Variants in APBA1 observed in about 807,000 individuals in gnomAD.
APBA1 encodes the protein amyloid beta precursor protein binding family A member 1.
APBA1 carries 55 observed loss-of-function variants against 86.6 expected under a neutral mutation model. The ratio of observed to expected loss-of-function variants is 0.64; its 90% CI spans 0.51 to 0.80. APBA1 has a LOEUF of 0.80. APBA1 is among the 30% of genes least tolerant of loss of function. The probability of loss-of-function intolerance (pLI) is 0.00; values close to 1 mark genes in which losing one functional copy is unlikely to be tolerated. For synonymous variants in APBA1, 511 were observed against 493.9 expected (o/e 1.03, Z -0.46); for missense variants, 1,090 against 1,183.0 (o/e 0.92, Z 1.15).
chr9:69,607,714 G>T (rs949117892), intron 1 of APBA1, among the ~76,000 whole-genome samples: 1 of 152,124 alleles, frequency 6.6e-6, no homozygotes, highest in Admixed American at 6.5e-5. Context: ...AAACCAGTCC[G>T]TTTGGGCCAA....
At chr9:69,456,718 A>C (rs529259251) in intron 7 of APBA1, among the ~76,000 whole-genome samples, 15 of 148,334 alleles carry the variant, frequency 1.0e-4, no homozygotes, top group Non-Finnish European at 1.7e-4. Context: ...ACAAATCAAA[A>C]TGGCAGGGCT....
intron 1 of APBA1, among the ~76,000 whole-genome samples, chr9:69,530,618 T>C (rs1836415947): frequency 1.3e-5 from 2 of 152,202 alleles, no homozygotes; most frequent in Middle Eastern, 3.4e-3. Flanking sequence ...TCTGGTACAA[T>C]GTTCACTATT....
chr9:69,608,411 G>T (rs1335913020), intron 1 of APBA1, among the ~76,000 whole-genome samples: 1 of 152,166 alleles, frequency 6.6e-6, no homozygotes, highest in African/African-American at 2.4e-5. Flanking sequence ...AAAGGAAAGG[G>T]GGAGTAGGTG....
chr9:69,588,174 G>A (rs1822058981), intron 1 of APBA1, among the ~76,000 whole-genome samples: 1 of 152,116 alleles, frequency 6.6e-6, no homozygotes, highest in South Asian at 2.1e-4. Context: ...TGAAGCTACT[G>A]GGGAGAAAGA....
intron 1 of APBA1, among the ~76,000 whole-genome samples, chr9:69,567,931 T>C (rs988767831): frequency 7.2e-5 from 11 of 152,168 alleles, no homozygotes; most frequent in Non-Finnish European, 1.5e-4. Flanking sequence ...ATGAAAACTC[T>C]TGGGCTTGTG....
Position 69,489,644 on chromosome 9 carries a change from C to T in APBA1, c.1201-13501G>A, listed in dbSNP as rs549266688. On this transcript the variant is annotated intron_variant, in intron 2 of 12. Transcript: ENST00000265381. ...AATTTACAAGAAAAAAGCAAACAAC[C>T]CCATCAAAAAGTGGGCGAAGGACAT... 1.9e-3 allele frequency among the ~76,000 whole-genome samples: 284 copies of T among 152,044 alleles called. 2 individuals carry two copies. Among genetic ancestry groups the T allele is most frequent in the Non-Finnish European group, 3.1e-3 (214 of 67,972 alleles).
intron 5 of APBA1, chr9:69,464,826 G>A (rs990503830): frequency 3.3e-5 from 5 of 152,176 alleles, no homozygotes; most frequent in Non-Finnish European, 7.3e-5. Context: ...CACTACCTAA[G>A]TGCCATAAGG....
chr9:69,522,880 CTACAA>C (rs1205419968), intron 1 of APBA1, among the ~76,000 whole-genome samples: 1 of 151,760 alleles, frequency 6.6e-6, no homozygotes, highest in Non-Finnish European at 1.5e-5. Context: ...CTCTCTTCCT[CTACAA>C]AAAAGTTGGA....
chr9:69,555,635 T>C (rs879509961), intron 1 of APBA1, among the ~76,000 whole-genome samples: 3 of 152,210 alleles, frequency 2.0e-5, no homozygotes, highest in Non-Finnish European at 4.4e-5. Context: ...AAAAAAGTTT[T>C]ATCAACTTAA....
chr9:69,636,852 GGAGGGAGGGAGGGAGA>G (rs1823177028), intron 1 of APBA1, among the ~76,000 whole-genome samples: 4 of 85,668 alleles, frequency 4.7e-5, no homozygotes, highest in African/African-American at 1.7e-4. Flanking sequence ...AGGGAGGGAG[GGAGGGAGGGAGGGAGA>G]GAGAAAGAAA....
chr9:69,609,639 G>T (rs1822543801), intron 1 of APBA1, among the ~76,000 whole-genome samples: 1 of 152,122 alleles, frequency 6.6e-6, no homozygotes, highest in Non-Finnish European at 1.5e-5. Flanking sequence ...TCAGAAATGG[G>T]ATCAAAGTGA....
intron 3 of APBA1, among the ~76,000 whole-genome samples, chr9:69,473,286 A>G (rs1017687168): frequency 6.6e-6 from 1 of 152,202 alleles, no homozygotes; most frequent in African/African-American, 2.4e-5. Flanking sequence ...TGTCTAATTC[A>G]GGATGGTTTA....
chr9:69,575,227 CTAT>C (rs1475006185), intron 1 of APBA1, among the ~76,000 whole-genome samples: 1 of 152,102 alleles, frequency 6.6e-6, no homozygotes, highest in Non-Finnish European at 1.5e-5. Context: ...CCAATTATTA[CTAT>C]TATTATTTAA....
intron 1 of APBA1, among the ~76,000 whole-genome samples, chr9:69,575,512 T>C (rs1016941616): frequency 1.3e-5 from 2 of 152,052 alleles, no homozygotes; most frequent in Non-Finnish European, 2.9e-5. Flanking sequence ...AACAGAGATA[T>C]AGACCAATGG....
chr9:69,454,849 T>C (rs941600203), intron 8 of APBA1, among the ~76,000 whole-genome samples: 3 of 152,148 alleles, frequency 2.0e-5, no homozygotes, highest in African/African-American at 7.2e-5. Context: ...CTTTTGGAAC[T>C]TTCTGAGAAC....
intron 11 of APBA1, among the ~76,000 whole-genome samples, chr9:69,436,179 T>C (rs893909807): frequency 2.0e-5 from 3 of 150,112 alleles, no homozygotes; most frequent in Admixed American, 1.3e-4. Context: ...TTGGTTACTA[T>C]AGCCTTGTAG....
intron 1 of APBA1, among the ~76,000 whole-genome samples, chr9:69,605,895 C>A (rs1171507927): frequency 1.3e-5 from 2 of 152,162 alleles, no homozygotes; most frequent in Non-Finnish European, 2.9e-5. Flanking sequence ...AGTAAGCAAT[C>A]AACATGTATT....
chr9:69,638,037 T>C (rs900138374), intron 1 of APBA1, among the ~76,000 whole-genome samples: 5 of 152,222 alleles, frequency 3.3e-5, no homozygotes, highest in African/African-American at 1.2e-4. Context: ...AATTCACAAC[T>C]GAGCAGCATT....
chr9:69,500,810 G>A (rs1245305417), intron 2 of APBA1, among the ~76,000 whole-genome samples: 3 of 152,130 alleles, frequency 2.0e-5, no homozygotes, highest in African/African-American at 7.2e-5. Flanking sequence ...TTATCTAATC[G>A]GAATGTGACC....
Sources: gnomAD v4.1 joint callset for allele counts (sites outside exome capture counted in the v4.1 genomes callset) on GRCh38, gnomAD v4.1.1 for gene constraint, MANE v1.5 for transcripts, NCBI Gene and HGNC (gene_info 2026-07-23, HGNC 2026-07-21) for gene names.